PGBD5: variants seen among roughly 807,000 people sequenced by gnomAD.
PGBD5 encodes the protein piggyBac transposable element derived 5, also known as piggyBac transposable element-derived protein 5.
A neutral mutation model predicts 47.9 loss-of-function variants in PGBD5; 14 were observed. The observed-to-expected ratio is 0.29, with a 90% confidence interval of 0.19 to 0.46. PGBD5 has a LOEUF of 0.46. Among genes scored for constraint, PGBD5 ranks in the 20% least tolerant of loss-of-function variants. The probability of loss-of-function intolerance (pLI) is 1.00; values close to 1 mark genes in which losing one functional copy is unlikely to be tolerated. For synonymous variants in PGBD5, 316 were observed against 306.3 expected (o/e 1.03, Z -0.33); for missense variants, 635 against 716.0 (o/e 0.89, Z 1.29).
chr1:230,326,661 T>A (rs1667122144), intron 5 of PGBD5, among the ~76,000 whole-genome samples: 1 of 152,126 alleles, frequency 6.6e-6, no homozygotes, highest in Admixed American at 6.6e-5. Context: ...CTCACCATGT[T>A]GCCTAGGTCT....
chr1:230,393,071 AGGC>A (rs1055183717), intron 1 of PGBD5, among the ~76,000 whole-genome samples: 2 of 143,448 alleles, frequency 1.4e-5, no homozygotes, highest in African/African-American at 5.2e-5. Context: ...AGGAAGGGGA[AGGC>A]GGAGGAGGAA....
At position 230,319,635 on chromosome 1, in the gene PGBD5, T is replaced by C. The variant is rs1223444681; in HGVS notation, c.*3790A>G. 2.6e-5 allele frequency: 4 copies of C among 152,156 alleles called. No individual in the cohort carries two copies. The East Asian group carries it at 7.8e-4, about 29-fold the overall frequency. 9.4% of individuals were successfully genotyped at this position (152,156 alleles called of 1,614,324 possible). ...GAAGGATTCAGAACCTTCCAGGCTC[T>C]GTCCTGGGGACCTGCAATCTTCTTG... On this transcript the variant is annotated 3_prime_UTR_variant, in exon 7 of 7. Coordinates refer to ENST00000391860, the MANE Select transcript of PGBD5 (RefSeq NM_001258311.2).
chr1:230,393,438 A>G (rs2102734162), intron 1 of PGBD5, among the ~76,000 whole-genome samples: 1 of 152,208 alleles, frequency 6.6e-6, no homozygotes, highest in South Asian at 2.1e-4. Context: ...TCCCACCTTT[A>G]AGGAGGTGAC....
intron 3 of PGBD5, among the ~76,000 whole-genome samples, chr1:230,342,474 C>T (rs6687646): frequency 0.033 from 5,068 of 152,236 alleles, 110 homozygotes; most frequent in East Asian, 0.084. Flanking sequence ...CAGCAGTGCA[C>T]GATCTGCACT....
At position 230,314,952 on chromosome 1, in the gene PGBD5, G is replaced by T. The variant is rs928525804; in HGVS notation, c.*8473C>A. ...CATCAATGGCGGCTCTCCTGAACTA[G>T]GGATGAGTGTGAATCTCCATTTGAG... On this transcript the variant is annotated 3_prime_UTR_variant, in exon 7 of 7. Coordinates refer to ENST00000391860, the MANE Select transcript of PGBD5 (RefSeq NM_001258311.2). 1 of 152,166 alleles carries T rather than the reference G, an allele frequency of 6.6e-6. No individual in the cohort carries two copies. Among genetic ancestry groups the T allele is most frequent in the African/African-American group, 2.4e-5 (1 of 41,430 alleles). The allele number at this position is 152,166 out of a possible 1,614,324, so 9.4% of individuals were successfully genotyped here.
At chr1:230,386,248 G>A (rs1656633590) in intron 1 of PGBD5, among the ~76,000 whole-genome samples, 1 of 151,864 alleles carries the variant, frequency 6.6e-6, no homozygotes, top group Non-Finnish European at 1.5e-5. Flanking sequence ...GAACCTAGGA[G>A]GTTGAGGCAG....
At chr1:230,354,705 C>T (rs935640732) in intron 2 of PGBD5, among the ~76,000 whole-genome samples, 1 of 152,130 alleles carries the variant, frequency 6.6e-6, no homozygotes, top group Non-Finnish European at 1.5e-5. Flanking sequence ...CTGCTCCCTT[C>T]GGGTCTCCCT....
chr1:230,334,573 C>G (rs1326015056), intron 4 of PGBD5, among the ~76,000 whole-genome samples: 5 of 151,198 alleles, frequency 3.3e-5, no homozygotes, highest in Non-Finnish European at 1.5e-5. Flanking sequence ...GATTCTTCTC[C>G]TCAACCTTGG....
intron 4 of PGBD5, among the ~76,000 whole-genome samples, chr1:230,336,494 C>A (rs1426472255): frequency 2.6e-5 from 4 of 152,188 alleles, no homozygotes; most frequent in Non-Finnish European, 5.9e-5. Flanking sequence ...AGATCTAAAT[C>A]CCCAAAGCCA....
At chr1:230,362,693 G>A (rs1374567884) in intron 1 of PGBD5, among the ~76,000 whole-genome samples, 2 of 152,154 alleles carry the variant, frequency 1.3e-5, no homozygotes, top group Admixed American at 6.5e-5. Context: ...GGTCAGGGTT[G>A]GTGTGTTCTG....
intron 1 of PGBD5, among the ~76,000 whole-genome samples, chr1:230,410,202 G>C (rs1005621282): frequency 2.6e-5 from 4 of 152,070 alleles, no homozygotes; most frequent in Non-Finnish European, 5.9e-5. Flanking sequence ...CATGGTTTTG[G>C]AAGAAATATA....
chr1:230,352,073 T>C (rs1667567658), intron 2 of PGBD5, among the ~76,000 whole-genome samples: 1 of 147,714 alleles, frequency 6.8e-6, no homozygotes, highest in South Asian at 2.2e-4. Flanking sequence ...CAGGCAATGA[T>C]TCCCAGAACT....
Position 230,426,233 on chromosome 1 carries a change from GCCACCGCCGCCACCACCGCCA to G in PGBD5, c.-326_-306del, listed in dbSNP as rs1007519599. On this transcript the variant is annotated 5_prime_UTR_variant, in exon 1 of 7. Coordinates refer to ENST00000391860, the MANE Select transcript of PGBD5 (RefSeq NM_001258311.2). Reference sequence around the variant, plus strand: ...GCGGCCGAGACCAGGCGCCGCCGCCGCCACCGCCGCCACCACCGCCACCACCGCCGCCGCTGCGTCTCCTCG... The same window carrying G: ...GCGGCCGAGACCAGGCGCCGCCGCCGCCACCGCCGCCGCTGCGTCTCCTCG... 1.8e-4 allele frequency: 27 copies of G among 148,894 alleles called. No individual in the cohort carries two copies. The highest frequency in any genetic ancestry group is 5.4e-4 in the African/African-American group (22 of 40,666). 9.2% of individuals were successfully genotyped at this position (148,894 alleles called of 1,614,324 possible). A position where few individuals can be genotyped will look rare whatever the true frequency, so the allele number is the denominator to read the frequency against.
chr1:230,384,258 CT>C (rs1656584658), intron 1 of PGBD5, among the ~76,000 whole-genome samples: 1 of 152,252 alleles, frequency 6.6e-6, no homozygotes, highest in South Asian at 2.1e-4. Context: ...TTTGCCAGTA[CT>C]TTCAATGTTG....
chr1:230,401,300 C>T (rs763419116), intron 1 of PGBD5, among the ~76,000 whole-genome samples: 3 of 152,216 alleles, frequency 2.0e-5, no homozygotes, highest in African/African-American at 7.2e-5. Flanking sequence ...ACACAGGTGG[C>T]GCTCATGGCG....
At chr1:230,326,294 T>C (rs1667117148) in intron 5 of PGBD5, among the ~76,000 whole-genome samples, 1 of 152,134 alleles carries the variant, frequency 6.6e-6, no homozygotes, top group Non-Finnish European at 1.5e-5. Context: ...GGCAGGCGCC[T>C]GTAATTCCAG....
rs1393104409 is a variant in PGBD5, at chr1:230,425,358, C to T, written c.331+240G>A. Reference sequence around the variant, plus strand: ...CCCAGGAAGTGAAGGAAAAGGTCCCCGACGACATTGTCACTGGAAAAGTGC... The same window carrying T: ...CCCAGGAAGTGAAGGAAAAGGTCCCTGACGACATTGTCACTGGAAAAGTGC... On this transcript the variant is annotated intron_variant, in intron 1 of 6. Transcript: ENST00000391860. This position sits in a 1 kb window ranked among gnomAD's most constrained non-coding sequence, Gnocchi z 4.7. Among the ~76,000 whole-genome samples, 1 of 152,202 alleles carries T rather than the reference C, an allele frequency of 6.6e-6. No individual in the cohort carries two copies. The highest frequency in any genetic ancestry group is 1.5e-5 in the Non-Finnish European group (1 of 68,042).
chr1:230,389,326 C>T (rs1008154496), intron 1 of PGBD5, among the ~76,000 whole-genome samples: 3 of 152,142 alleles, frequency 2.0e-5, no homozygotes, highest in Non-Finnish European at 2.9e-5. Context: ...GCGCGTGCCA[C>T]CATGCCCAGC....
intron 1 of PGBD5, among the ~76,000 whole-genome samples, chr1:230,372,560 G>T (rs1267221684): frequency 6.6e-6 from 1 of 152,174 alleles, no homozygotes; most frequent in Non-Finnish European, 1.5e-5. Context: ...CAAGAACACA[G>T]AATACTACTC....
Sources: allele counts gnomAD v4.1 joint callset (sites outside exome capture counted in the v4.1 genomes callset), GRCh38; gene constraint gnomAD v4.1.1; non-coding constraint Gnocchi (gnomAD v3.1); transcripts MANE v1.5; gene names NCBI Gene and HGNC (gene_info 2026-07-23, HGNC 2026-07-21).